NTM: variants seen among roughly 807,000 people sequenced by gnomAD.
NTM encodes IgLON family member 2.
A neutral mutation model predicts 42.1 loss-of-function variants in NTM; 13 were observed. That is an observed-to-expected ratio of 0.31 (90% CI 0.20 to 0.49). NTM has a LOEUF of 0.49. Ranked by LOEUF, NTM falls within the 20% of genes least tolerant of loss-of-function variation. The pLI, the probability that NTM is intolerant of heterozygous loss-of-function variation, is 0.99. For missense variants in NTM, 373 were observed against 452.8 expected, an observed-to-expected ratio of 0.82 and a Z score of 1.60; for synonymous variants, 187 against 179.2, an observed-to-expected ratio of 1.04 and a Z score of -0.35.
intron 3 of NTM, among the ~76,000 whole-genome samples, chr11:132,187,400 A>G (rs1386813339): frequency 2.0e-5 from 3 of 152,054 alleles, no homozygotes; most frequent in African/African-American, 7.2e-5. Context: ...CTCCCCACCC[A>G]CGTATCCCTT....
At chr11:132,216,208 T>C (rs893123905) in intron 4 of NTM, among the ~76,000 whole-genome samples, 2 of 152,220 alleles carry the variant, frequency 1.3e-5, no homozygotes, top group Admixed American at 6.5e-5. Flanking sequence ...TTCAATATAC[T>C]CCAAAAGATG....
intron 1 of NTM, among the ~76,000 whole-genome samples, chr11:131,873,042 C>T (rs995608997): frequency 9.9e-5 from 15 of 152,080 alleles, no homozygotes; most frequent in African/African-American, 2.7e-4. Flanking sequence ...CCATTCTGAC[C>T]GGTGTGAGAC....
intron 3 of NTM, among the ~76,000 whole-genome samples, chr11:132,193,670 T>G (rs1435360791): frequency 3.3e-5 from 5 of 151,644 alleles, no homozygotes; most frequent in African/African-American, 1.2e-4. Flanking sequence ...AAATCAAAAC[T>G]TAACTGAACA....
chr11:132,262,265 C>T (rs988457516), intron 4 of NTM, among the ~76,000 whole-genome samples: 1 of 152,214 alleles, frequency 6.6e-6, no homozygotes, highest in African/African-American at 2.4e-5. Context: ...CAACCACCTA[C>T]CAAGGCCTTT....
intron 1 of NTM, among the ~76,000 whole-genome samples, chr11:131,495,808 C>T (rs943278479): frequency 4.6e-5 from 7 of 152,352 alleles, no homozygotes; most frequent in African/African-American, 1.7e-4. Context: ...CTTGCTCTTG[C>T]TCCCAGCCAA....
chr11:131,372,284 C>G (rs928230961), intron 1 of NTM, among the ~76,000 whole-genome samples: 3 of 151,916 alleles, frequency 2.0e-5, no homozygotes, highest in African/African-American at 7.3e-5. Context: ...GTGAATCTTG[C>G]AGGGATGTCC....
chr11:132,193,693 G>C (rs1054679982), intron 3 of NTM, among the ~76,000 whole-genome samples: 1 of 151,638 alleles, frequency 6.6e-6, no homozygotes, highest in Non-Finnish European at 1.5e-5. Flanking sequence ...ATTGAGATGC[G>C]AAAATCCATA....
chr11:131,695,074 C>T (rs1052936987), intron 1 of NTM, among the ~76,000 whole-genome samples: 9 of 152,138 alleles, frequency 5.9e-5, no homozygotes, highest in Middle Eastern at 3.2e-3. Flanking sequence ...AGCTGTCTGC[C>T]AGGGGAAACG....
At chr11:131,736,489 C>A (rs1028338523) in intron 1 of NTM, among the ~76,000 whole-genome samples, 1 of 152,176 alleles carries the variant, frequency 6.6e-6, no homozygotes, top group Non-Finnish European at 1.5e-5. Flanking sequence ...CTGTGGTGCC[C>A]GGTGGGAGGC....
At chr11:131,787,898 AT>A (rs898952840) in intron 1 of NTM, among the ~76,000 whole-genome samples, 1 of 152,144 alleles carries the variant, frequency 6.6e-6, no homozygotes, top group African/African-American at 2.4e-5. Context: ...GATAGCATCC[AT>A]TTTTTTCTAT....
chr11:131,393,657 C>T (rs144445872), intron 1 of NTM, among the ~76,000 whole-genome samples: 80 of 152,326 alleles, frequency 5.3e-4, no homozygotes, highest in African/African-American at 1.9e-3. Flanking sequence ...TTCCCAACAG[C>T]GCAAAGACCT....
intron 2 of NTM, among the ~76,000 whole-genome samples, chr11:132,024,345 C>T (rs908282640): frequency 6.6e-6 from 1 of 152,128 alleles, no homozygotes; most frequent in Admixed American, 6.5e-5. Context: ...GGCACTGGTT[C>T]CAGGATTTCC....
intron 2 of NTM, among the ~76,000 whole-genome samples, chr11:131,978,005 C>A (rs111265260): frequency 1.3e-5 from 2 of 152,112 alleles, no homozygotes; most frequent in African/African-American, 4.8e-5. Context: ...CCAAGGGGGA[C>A]GCCCTTCTGC....
At chr11:131,557,029 A>C (rs969399787) in intron 1 of NTM, among the ~76,000 whole-genome samples, 11 of 152,148 alleles carry the variant, frequency 7.2e-5, no homozygotes, top group African/African-American at 2.7e-4. Context: ...GTGTGTCTGC[A>C]AAGGGGAATT....
chr11:132,316,189 T>A (rs990769188), intron 7 of NTM, among the ~76,000 whole-genome samples: 1 of 150,452 alleles, frequency 6.6e-6, no homozygotes, highest in African/African-American at 2.4e-5. Flanking sequence ...GGCTTTATCA[T>A]GATTGTATAC....
intron 1 of NTM, among the ~76,000 whole-genome samples, chr11:131,681,885 G>A (rs1349460443): frequency 2.0e-5 from 3 of 151,518 alleles, no homozygotes; most frequent in African/African-American, 7.3e-5. Flanking sequence ...GTGTCTGTGT[G>A]TCTCCTTGCG....
At chr11:131,907,938 G>T (rs2054099512) in intron 1 of NTM, among the ~76,000 whole-genome samples, 2 of 152,188 alleles carry the variant, frequency 1.3e-5, no homozygotes, top group Non-Finnish European at 2.9e-5. Context: ...TCAATAGCCG[G>T]TTTGAATAAA....
chr11:131,682,595 T>C (rs73583665), intron 1 of NTM, among the ~76,000 whole-genome samples: 5,374 of 152,240 alleles, frequency 0.035, 315 homozygotes, highest in African/African-American at 0.12. Context: ...CCCTGCAAAG[T>C]AGAGGAGCCC....
Position 132,040,394 on chromosome 11 carries a change from C to A in NTM, c.168-105888C>A, listed in dbSNP as rs2077031497. On this transcript the variant is annotated intron_variant, in intron 2 of 8. Transcript: ENST00000683400. ...GATATTTCTGAAGGATTCTAAGACACCATTGAAAGCTGCATGCACCAAGAA... is the reference window on the plus strand; with the variant it reads ...GATATTTCTGAAGGATTCTAAGACAACATTGAAAGCTGCATGCACCAAGAA... Among the ~76,000 whole-genome samples, 3 of 152,206 alleles carry A rather than the reference C, an allele frequency of 2.0e-5. No homozygotes were observed. The South Asian group carries it at 6.2e-4, about 32-fold the overall frequency.
Sources: gnomAD v4.1 joint callset for allele counts (sites outside exome capture counted in the v4.1 genomes callset) on GRCh38, gnomAD v4.1.1 for gene constraint, MANE v1.5 for transcripts, NCBI Gene and HGNC (gene_info 2026-07-23, HGNC 2026-07-21) for gene names.